Variants in RNF152 observed in about 807,000 individuals in gnomAD.
The protein encoded by RNF152 is E3 ubiquitin-protein ligase RNF152.
A neutral mutation model predicts 12.7 loss-of-function variants in RNF152; 11 were observed. The observed-to-expected ratio is 0.86, with a 90% confidence interval of 0.54 to 1.43. RNF152 has a LOEUF of 1.43. RNF152 is among the 40% of genes most tolerant of loss of function. The pLI is 0.00. For synonymous variants in RNF152, 113 were observed against 120.3 expected (o/e 0.94, Z 0.40); for missense variants, 255 against 274.8 (o/e 0.93, Z 0.51).
At chr18:61,856,217 C>T (rs932125548) in intron 1 of RNF152, among the ~76,000 whole-genome samples, 2 of 152,136 alleles carry the variant, frequency 1.3e-5, no homozygotes, top group East Asian at 1.9e-4. Context: ...GTGAGTAAAG[C>T]GATGACAATG....
intron 1 of RNF152, chr18:61,888,171 C>G (rs1271990723): frequency 6.6e-6 from 1 of 152,286 alleles, no homozygotes; most frequent in Non-Finnish European, 1.5e-5. Context: ...CACAACTCCA[C>G]GAAGAACGTA....
intron 1 of RNF152, among the ~76,000 whole-genome samples, chr18:61,868,506 C>T (rs987453351): frequency 6.6e-6 from 1 of 152,042 alleles, no homozygotes; most frequent in African/African-American, 2.4e-5. Context: ...AGTTTGAGAC[C>T]AGCCTGGCCA....
At position 61,874,245 on chromosome 18, in the gene RNF152, T is replaced by C. The variant is rs763543531; in HGVS notation, c.-136+18550A>G. Among the ~76,000 whole-genome samples the C allele has an allele frequency of 5.9e-5, 9 of 152,238 alleles. No homozygotes were observed. The South Asian group carries it at 1.9e-3, about 32-fold the overall frequency. ...CTCGCTGCCGCAGTTTAACAGCGCA[T>C]GAACTGACCAAAGAGAAGAATCCAT... On this transcript the variant is annotated intron_variant, in intron 1 of 1. Transcript: ENST00000312828.
At chr18:61,854,233 C>A (rs1911117499) in intron 1 of RNF152, among the ~76,000 whole-genome samples, 1 of 152,142 alleles carries the variant, frequency 6.6e-6, no homozygotes, top group African/African-American at 2.4e-5. Flanking sequence ...GGAAACTAAC[C>A]AAGCCTTTCC....
chr18:61,864,695 T>C, intron 1 of RNF152, among the ~76,000 whole-genome samples: 1 of 152,174 alleles, frequency 6.6e-6, no homozygotes, highest in East Asian at 1.9e-4. Flanking sequence ...GCTGGCACTC[T>C]GAGGCCAGCT....
chr18:61,822,387 T>C (rs1023947649), intron 1 of RNF152, among the ~76,000 whole-genome samples: 22 of 152,234 alleles, frequency 1.4e-4, no homozygotes, highest in Admixed American at 1.4e-3. Flanking sequence ...TATTTTGTGC[T>C]TTTGAAAGTC....
intron 1 of RNF152, among the ~76,000 whole-genome samples, chr18:61,844,140 AATTAAG>A (rs1175469009): frequency 5.9e-5 from 8 of 135,572 alleles, no homozygotes; most frequent in South Asian, 2.4e-4. Context: ...GAAAGAAAGA[AATTAAG>A]AGAAAAGGAA....
intron 1 of RNF152, among the ~76,000 whole-genome samples, chr18:61,846,214 C>T (rs1477411846): frequency 1.3e-5 from 2 of 152,184 alleles, no homozygotes; most frequent in Non-Finnish European, 2.9e-5. Flanking sequence ...AACCCAAACA[C>T]TCTCTCTTGT....
At chr18:61,860,046 A>T (rs1279078949) in intron 1 of RNF152, among the ~76,000 whole-genome samples, 7 of 148,910 alleles carry the variant, frequency 4.7e-5, no homozygotes, top group Non-Finnish European at 1.1e-4. Flanking sequence ...TACAGAAAAG[A>T]CTCAGAAAAG....
At chr18:61,867,324 C>G (rs1006068351) in intron 1 of RNF152, among the ~76,000 whole-genome samples, 4 of 152,024 alleles carry the variant, frequency 2.6e-5, no homozygotes, top group Admixed American at 2.6e-4. Flanking sequence ...TGGTGGCATG[C>G]TCCTGTAGTC....
chr18:61,885,889 T>C (rs1017219061), intron 1 of RNF152, among the ~76,000 whole-genome samples: 12 of 151,966 alleles, frequency 7.9e-5, no homozygotes, highest in African/African-American at 2.2e-4. Flanking sequence ...CCTGCTCCGT[T>C]AGATTGTGGG....
intron 1 of RNF152, among the ~76,000 whole-genome samples, chr18:61,886,081 T>A (rs1278708615): frequency 6.9e-6 from 1 of 144,964 alleles, no homozygotes; most frequent in Non-Finnish European, 1.5e-5. Context: ...TTTGTTAGAA[T>A]CATGACCCTC....
chr18:61,855,347 G>A (rs1402854933), intron 1 of RNF152, among the ~76,000 whole-genome samples: 4 of 152,252 alleles, frequency 2.6e-5, no homozygotes, highest in Non-Finnish European at 5.9e-5. Flanking sequence ...TCATAGTGAT[G>A]GCAGAAGCGG....
rs1568254285 is a variant in RNF152, at chr18:61,811,220, C to CG, written c.*4631_*4632insC. The CG allele has an allele frequency of 6.6e-6, 1 of 151,938 alleles. No individual in the cohort carries two copies. Among genetic ancestry groups the CG allele is most frequent in the African/African-American group, 2.4e-5 (1 of 41,348 alleles). The allele number at this position is 151,938 out of a possible 1,614,324, so 9.4% of individuals were successfully genotyped here. A position where few individuals can be genotyped will look rare whatever the true frequency, so the allele number is the denominator to read the frequency against. On this transcript the variant is annotated 3_prime_UTR_variant, in exon 2 of 2. Coordinates refer to ENST00000312828, the MANE Select transcript of RNF152 (RefSeq NM_173557.3). ...AGCAGACTAACCAATTTTGAAACAA[C>CG]ATAAGTTTTCAAATAAAGGGATGGG...
chr18:61,873,046 G>A (rs74788822), intron 1 of RNF152, among the ~76,000 whole-genome samples: 7 of 152,086 alleles, frequency 4.6e-5, no homozygotes, highest in African/African-American at 7.2e-5. Flanking sequence ...ATGCTTCTAC[G>A]TACCAGATTT....
intron 1 of RNF152, among the ~76,000 whole-genome samples, chr18:61,873,840 G>A (rs1599317914): frequency 6.6e-6 from 1 of 152,162 alleles, no homozygotes; most frequent in East Asian, 1.9e-4. Flanking sequence ...CGAGAAAATG[G>A]AACAGTCCAA....
intron 1 of RNF152, among the ~76,000 whole-genome samples, chr18:61,818,683 A>G (rs977305343): frequency 1.3e-5 from 2 of 152,316 alleles, no homozygotes; most frequent in Non-Finnish European, 2.9e-5. Flanking sequence ...GCACAAAGCT[A>G]AATACTGTAG....
chr18:61,826,578 A>G (rs963007258), intron 1 of RNF152, among the ~76,000 whole-genome samples: 1 of 151,676 alleles, frequency 6.6e-6, no homozygotes, highest in African/African-American at 2.4e-5. Flanking sequence ...TTTCCTCTTT[A>G]CATGTTTTTG....
At chr18:61,816,653 T>C (rs1443195028) in intron 1 of RNF152, 55 bp from the exon 2 acceptor site, 7 of 618,176 alleles carry the variant, frequency 1.1e-5, no homozygotes, top group Non-Finnish European at 2.0e-5. Flanking sequence ...AGTTGAGATG[T>C]CAACATATCT....
Sources: gnomAD v4.1 joint callset for allele counts (sites outside exome capture counted in the v4.1 genomes callset) on GRCh38, gnomAD v4.1.1 for gene constraint, MANE v1.5 for transcripts, NCBI Gene and HGNC (gene_info 2026-07-23, HGNC 2026-07-21) for gene names.